Variants in CNTNAP2 observed in about 807,000 individuals in gnomAD.
The protein encoded by CNTNAP2 is contactin associated protein 2.
In CNTNAP2, 98 loss-of-function variants were observed where a neutral mutation model predicts 155.2. That is an observed-to-expected ratio of 0.63 (90% confidence interval 0.54 to 0.75). The LOEUF (loss-of-function observed/expected upper bound fraction) is 0.75, where lower values mean the gene tolerates loss of function less well. CNTNAP2 is among the 30% of genes least tolerant of loss of function. The pLI is 0.00. For missense variants in CNTNAP2, 1,727 were observed against 1,688.1 expected, an observed-to-expected ratio of 1.02 and a Z score of -0.40; for synonymous variants, 651 against 631.2, an observed-to-expected ratio of 1.03 and a Z score of -0.47.
intron 3 of CNTNAP2, among the ~76,000 whole-genome samples, chr7:146,849,006 C>G (rs1034690749): frequency 5.9e-5 from 9 of 152,094 alleles, no homozygotes; most frequent in African/African-American, 2.2e-4. Context: ...GCCTTGAACT[C>G]CTGGCCTCAA....
chr7:146,412,682 A>G (rs1724522), intron 1 of CNTNAP2, among the ~76,000 whole-genome samples: 5,433 of 152,280 alleles, frequency 0.036, 346 homozygotes, highest in African/African-American at 0.12. Flanking sequence ...TGCCTTATCT[A>G]TGAGGCGGAG....
rs78609790 is a variant in CNTNAP2, at chr7:146,767,001, G to T, written c.98-7270G>T. Among the ~76,000 whole-genome samples the T allele has an allele frequency of 2.3e-3, 352 of 152,258 alleles. 3 individuals are homozygous for T. The highest frequency in any genetic ancestry group is 8.1e-3 in the African/African-American group (338 of 41,556). ...TTATTGTATTCACTTAGCAATTTTC[G>T]CTGTGTGTCAGATAAGTTATGTCCA... is the stretch of plus-strand genomic sequence containing the variant. On this transcript the variant is annotated intron_variant, in intron 1 of 23. Coordinates refer to ENST00000361727, the MANE Select transcript of CNTNAP2 (RefSeq NM_014141.6).
At chr7:147,154,482 T>G (rs141856597) in intron 8 of CNTNAP2, among the ~76,000 whole-genome samples, 272 of 152,358 alleles carry the variant, frequency 1.8e-3, no homozygotes, top group African/African-American at 5.7e-3. Context: ...CATTTTAAAC[T>G]TACTTGTTTA....
chr7:147,694,600 T>C (rs1796136406), intron 13 of CNTNAP2, among the ~76,000 whole-genome samples: 1 of 152,174 alleles, frequency 6.6e-6, no homozygotes, highest in Admixed American at 6.5e-5. Flanking sequence ...ATCTAGGTCA[T>C]CAAAATAGTG....
At chr7:147,830,842 G>A (rs1798534725) in intron 13 of CNTNAP2, among the ~76,000 whole-genome samples, 1 of 152,246 alleles carries the variant, frequency 6.6e-6, no homozygotes, top group Non-Finnish European at 1.5e-5. Flanking sequence ...CAAGAAGCAG[G>A]TACTGGTTAT....
chr7:146,513,474 A>G (rs958783576), intron 1 of CNTNAP2, among the ~76,000 whole-genome samples: 5 of 151,908 alleles, frequency 3.3e-5, no homozygotes, highest in Admixed American at 3.3e-4. Context: ...TTATACCATG[A>G]AGCTTATAAA....
intron 4 of CNTNAP2, among the ~76,000 whole-genome samples, chr7:147,101,117 C>T (rs10263681): frequency 0.033 from 5,018 of 152,168 alleles, 113 homozygotes; most frequent in South Asian, 0.092. Flanking sequence ...GAATTCAATC[C>T]GTTTACCATC....
chr7:148,259,328 C>A (rs1796514802), intron 20 of CNTNAP2, among the ~76,000 whole-genome samples: 1 of 150,560 alleles, frequency 6.6e-6, no homozygotes, highest in South Asian at 2.1e-4. Flanking sequence ...TGCACTCTAG[C>A]CTGGATGACA....
chr7:146,189,441 A>G (rs1281382207), intron 1 of CNTNAP2, among the ~76,000 whole-genome samples: 1 of 152,192 alleles, frequency 6.6e-6, no homozygotes, highest in Non-Finnish European at 1.5e-5. Context: ...AGCTTGCAAT[A>G]TAGACATCTT....
intron 1 of CNTNAP2, among the ~76,000 whole-genome samples, chr7:146,449,732 G>T (rs1263655166): frequency 6.6e-6 from 1 of 152,066 alleles, no homozygotes; most frequent in Admixed American, 6.5e-5. Flanking sequence ...CATATTTCAT[G>T]AATGCCCCTA....
At chr7:147,820,809 T>C (rs190556424) in intron 13 of CNTNAP2, among the ~76,000 whole-genome samples, 2 of 152,264 alleles carry the variant, frequency 1.3e-5, no homozygotes, top group Admixed American at 6.5e-5. Context: ...TTGTTAAAGA[T>C]GAATTGACCA....
intron 20 of CNTNAP2, among the ~76,000 whole-genome samples, chr7:148,237,145 A>G (rs1356740300): frequency 1.3e-5 from 2 of 152,244 alleles, no homozygotes; most frequent in African/African-American, 4.8e-5. Flanking sequence ...GGTTTCTGTT[A>G]TAGCAGCACC....
At chr7:147,912,379 C>A (rs948865156) in intron 14 of CNTNAP2, among the ~76,000 whole-genome samples, 30 of 152,154 alleles carry the variant, frequency 2.0e-4, no homozygotes, top group Non-Finnish European at 5.9e-5. Context: ...TGCCTGCATG[C>A]CTTGCTGCCA....
At chr7:147,391,061 G>A (rs1796707746) in intron 9 of CNTNAP2, among the ~76,000 whole-genome samples, 1 of 152,110 alleles carries the variant, frequency 6.6e-6, no homozygotes, top group Admixed American at 6.6e-5. Flanking sequence ...TTTAGGTATA[G>A]TCACTCAAGT....
intron 13 of CNTNAP2, among the ~76,000 whole-genome samples, chr7:147,873,583 C>T (rs554579482): frequency 1.6e-4 from 25 of 152,308 alleles, no homozygotes; most frequent in African/African-American, 6.0e-4. Context: ...CCTCCCACAA[C>T]ACATGGGGAT....
intron 1 of CNTNAP2, among the ~76,000 whole-genome samples, chr7:146,741,914 C>T (rs1317837791): frequency 6.6e-6 from 1 of 151,770 alleles, no homozygotes; most frequent in Non-Finnish European, 1.5e-5. Flanking sequence ...AGGAAAAAAC[C>T]CTAACAAGAG....
chr7:146,674,759 C>T (rs1398067111), intron 1 of CNTNAP2, among the ~76,000 whole-genome samples: 1 of 151,986 alleles, frequency 6.6e-6, no homozygotes, highest in Non-Finnish European at 1.5e-5. Flanking sequence ...AGGGTTTAAT[C>T]CCTGGGTGGC....
At chr7:146,399,416 C>G (rs554162158) in intron 1 of CNTNAP2, among the ~76,000 whole-genome samples, 1 of 152,212 alleles carries the variant, frequency 6.6e-6, no homozygotes, top group African/African-American at 2.4e-5. Flanking sequence ...TACATGAGAT[C>G]ATGCTGTATT....
intron 1 of CNTNAP2, among the ~76,000 whole-genome samples, chr7:146,217,699 A>C (rs943172914): frequency 5.3e-5 from 8 of 152,308 alleles, no homozygotes; most frequent in Admixed American, 3.9e-4. Flanking sequence ...GGAAAATATC[A>C]CAGTGGTGGT....
Sources: gnomAD v4.1 joint callset for allele counts (sites outside exome capture counted in the v4.1 genomes callset) on GRCh38, gnomAD v4.1.1 for gene constraint, MANE v1.5 for transcripts, NCBI Gene and HGNC (gene_info 2026-07-23, HGNC 2026-07-21) for gene names.